The following USP34 variants were observed in gnomAD, a reference collection of about 807,000 sequenced individuals.
USP34 encodes the protein ubiquitin carboxyl-terminal hydrolase 34.
In USP34, 70 loss-of-function variants were observed where a neutral mutation model predicts 460.3. The observed-to-expected ratio is 0.15, with a 90% CI of 0.13 to 0.19. USP34 has a LOEUF of 0.19. Among genes scored for constraint, USP34 ranks in the 10% least tolerant of loss-of-function variants. USP34 has a pLI of 1.00. For synonymous variants in USP34, 1,647 were observed against 1,405.3 expected, an observed-to-expected ratio of 1.17 and a Z score of -3.85; for missense variants, 3,985 against 4,236.2, an observed-to-expected ratio of 0.94 and a Z score of 1.65.
At chr2:61,366,204 G>A (rs1237823416) in intron 10 of USP34, among the ~76,000 whole-genome samples, 2 of 152,194 alleles carry the variant, frequency 1.3e-5, no homozygotes, top group Admixed American at 6.5e-5. Context: ...GATTGTAGGC[G>A]TGAGCCACCA....
At chr2:61,393,232 AC>A (rs1412644578) in intron 5 of USP34, among the ~76,000 whole-genome samples, 1 of 151,944 alleles carries the variant, frequency 6.6e-6, no homozygotes. Flanking sequence ...GGAGTTTGAG[AC>A]CAGCCTAGCC....
rs1481920645 is a variant in USP34, at chr2:61,380,319, T to C, written c.864A>G (p.Ala288=). The C allele has an allele frequency of 9.9e-6, 16 of 1,613,910 alleles. No individual in the cohort carries two copies. Among genetic ancestry groups the C allele is most frequent in the Non-Finnish European group, 1.3e-5 (15 of 1,179,910 alleles). Residue 288 remains alanine (A), a synonymous_variant, in exon 7 of 80, where the codon GCA becomes GCG. Transcript: ENST00000398571. ...KLSDQELRQS[A]ARNMADLMWS... Reference sequence around the variant, plus strand: ...ACATTAAGTCAGCCATGTTACGAGCTGCACTCTGTCGTAACTCCTGATCCG... The same window carrying C: ...ACATTAAGTCAGCCATGTTACGAGCCGCACTCTGTCGTAACTCCTGATCCG...
At chr2:61,201,094 T>C (rs1244762007) in intron 75 of USP34, among the ~76,000 whole-genome samples, 1 of 152,028 alleles carries the variant, frequency 6.6e-6, no homozygotes, top group Non-Finnish European at 1.5e-5. Flanking sequence ...TTGGTTAAAA[T>C]TAAAGTAAAA....
intron 1 of USP34, among the ~76,000 whole-genome samples, chr2:61,452,318 CTTTTTTTTTTTTTT>C (rs35104375): frequency 1.4e-4 from 13 of 89,910 alleles, no homozygotes; most frequent in African/African-American, 2.1e-4. Flanking sequence ...ATTCCCGGCA[CTTTTTTTTTTTTTT>C]TTTTTTTTTT....
At chr2:61,276,245 A>C (rs1385949744) in intron 41 of USP34, among the ~76,000 whole-genome samples, 1 of 152,214 alleles carries the variant, frequency 6.6e-6, no homozygotes, top group Non-Finnish European at 1.5e-5. Flanking sequence ...AACATAAACT[A>C]CGGATTAAAA....
At chr2:61,327,081 C>G (rs756701780) in intron 20 of USP34, among the ~76,000 whole-genome samples, 7 of 152,152 alleles carry the variant, frequency 4.6e-5, no homozygotes, top group Non-Finnish European at 1.0e-4. Context: ...CCACTGTGCA[C>G]AGCCTGGGCA....
chr2:61,298,537 C>CAAAAAAAAAAAAAAAAAAAAAAAAAAAA (rs57087400), intron 29 of USP34, among the ~76,000 whole-genome samples: 1 of 28,280 alleles, frequency 3.5e-5, no homozygotes, highest in Admixed American at 7.1e-4. Context: ...GACTCTGTCT[C>CAAAAAAAAAAAAAAAAAAAAAAAAAAAA]AAAAAAAAAA....
intron 3 of USP34, among the ~76,000 whole-genome samples, chr2:61,401,250 TCTC>T (rs1046442676): frequency 2.6e-5 from 4 of 151,774 alleles, no homozygotes; most frequent in Non-Finnish European, 5.9e-5. Flanking sequence ...CAGTGGTTTC[TCTC>T]CTTTCTACTT....
chr2:61,278,100 C>T, intron 41 of USP34, 65 bp downstream of exon 41: 2 of 1,580,748 alleles, frequency 1.3e-6, no homozygotes, highest in South Asian at 1.1e-5. Context: ...CGGACTAATA[C>T]ACAATGTAAC....
At chr2:61,299,094 G>C (rs971895401) in intron 29 of USP34, among the ~76,000 whole-genome samples, 2 of 151,950 alleles carry the variant, frequency 1.3e-5, no homozygotes, top group East Asian at 1.9e-4. Flanking sequence ...TGATTATTCT[G>C]CTTGAAAAAA....
intron 2 of USP34, among the ~76,000 whole-genome samples, chr2:61,412,007 T>C (rs903908594): frequency 1.3e-5 from 2 of 151,730 alleles, no homozygotes; most frequent in Non-Finnish European, 2.9e-5. Flanking sequence ...CTGACCAACA[T>C]GGAGAAACCC....
chr2:61,256,853 T>G lies in USP34; in HGVS notation c.6126+20A>C, dbSNP rs1688736642. ...TAGGTAAAAGCATAAAGTAAAAAAA[T>G]TATGTGCATTATTACTCACATAAAT... On this transcript the variant is annotated intron_variant, in intron 47 of 79. Coordinates refer to ENST00000398571, the MANE Select transcript of USP34 (RefSeq NM_014709.4). The G allele has an allele frequency of 6.5e-7, 1 of 1,539,172 alleles. No homozygotes were observed. Among genetic ancestry groups the G allele is most frequent in the East Asian group, 2.3e-5 (1 of 42,998 alleles).
At chr2:61,447,331 G>T (rs892663031) in intron 1 of USP34, among the ~76,000 whole-genome samples, 4 of 145,342 alleles carry the variant, frequency 2.8e-5, no homozygotes, top group Non-Finnish European at 4.5e-5. Flanking sequence ...AATCTGTTAA[G>T]TATTGGGCAC....
intron 33 of USP34, among the ~76,000 whole-genome samples, chr2:61,290,162 T>C (rs1398722444): frequency 6.6e-6 from 1 of 152,174 alleles, no homozygotes; most frequent in African/African-American, 2.4e-5. Flanking sequence ...AACACTACTA[T>C]ACCCATTAGA....
Position 61,204,500 on chromosome 2 carries a change from G to GTCC in USP34, c.9255_9256insGGA (p.Ile3085_Pro3086insGly). On this transcript the variant is annotated inframe_insertion, in exon 73 of 80. Coordinates refer to ENST00000398571, the MANE Select transcript of USP34 (RefSeq NM_014709.4). ...ACTGTGCTAGATAAATACGTACTTG[G>GTCC]TATATTACTGTGATGGTAAGTACAA... The GTCC allele has an allele frequency of 6.2e-7, 1 of 1,613,424 alleles. No individual in the cohort carries two copies. Among genetic ancestry groups the GTCC allele is most frequent in the Non-Finnish European group, 8.5e-7 (1 of 1,179,410 alleles).
intron 53 of USP34, among the ~76,000 whole-genome samples, chr2:61,240,057 A>G: frequency 6.7e-6 from 1 of 149,860 alleles, no homozygotes; most frequent in Non-Finnish European, 1.5e-5. Context: ...CAAAAAAAAA[A>G]TTTTTTTTTT....
intron 75 of USP34, among the ~76,000 whole-genome samples, chr2:61,201,087 G>A (rs1429291411): frequency 6.6e-6 from 1 of 151,718 alleles, no homozygotes; most frequent in Non-Finnish European, 1.5e-5. Flanking sequence ...ATTTATTTTG[G>A]TTAAAATTAA....
intron 1 of USP34, among the ~76,000 whole-genome samples, chr2:61,450,347 C>G (rs947480702): frequency 8.5e-5 from 13 of 152,112 alleles, no homozygotes; most frequent in Non-Finnish European, 1.2e-4. Flanking sequence ...ATAAAGTGTT[C>G]TAGACTTGTT....
At position 61,345,633 on chromosome 2, in the gene USP34, T is replaced by C. The variant is rs554653189; in HGVS notation, c.2286-1604A>G. 1.6e-4 allele frequency among the ~76,000 whole-genome samples: 25 copies of C among 152,348 alleles called. No homozygotes were observed. In the East Asian group the frequency reaches 3.7e-3, roughly 22 times the overall value. On this transcript the variant is annotated intron_variant, in intron 15 of 79. Transcript: ENST00000398571. Reference sequence around the variant, plus strand: ...CAATAAAACCATGAGATAGATACTATTGTGCCCATTTTATTTTTAGAGACA... The same window carrying C: ...CAATAAAACCATGAGATAGATACTACTGTGCCCATTTTATTTTTAGAGACA...
Sources: gnomAD v4.1 joint callset for allele counts (sites outside exome capture counted in the v4.1 genomes callset) on GRCh38, gnomAD v4.1.1 for gene constraint, MANE v1.5 for transcripts, NCBI Gene and HGNC (gene_info 2026-07-23, HGNC 2026-07-21) for gene names.